Variants in SARDH observed in about 807,000 individuals in gnomAD.
The protein encoded by SARDH is sarcosine dehydrogenase.
Under a neutral mutation model 109.1 loss-of-function variants are expected in SARDH, and 95 were observed. That is an observed-to-expected ratio of 0.87 (90% CI 0.74 to 1.03). The LOEUF (loss-of-function observed/expected upper bound fraction) is 1.03, where lower values mean the gene tolerates loss of function less well. Among genes scored for constraint, SARDH ranks in the 50% least tolerant of loss-of-function variants. The pLI, the probability that SARDH is intolerant of heterozygous loss-of-function variation, is 0.00. For synonymous variants in SARDH, 572 were observed against 534.8 expected (o/e 1.07, Z -0.96); for missense variants, 1,267 against 1,287.8 (o/e 0.98, Z 0.25).
chr9:133,715,619 G>A (rs1020592644), intron 8 of SARDH, among the ~76,000 whole-genome samples: 1 of 152,150 alleles, frequency 6.6e-6, no homozygotes, highest in Non-Finnish European at 1.5e-5. Context: ...GGACTCCTCG[G>A]TGGCCACAGC....
At chr9:133,700,396 TACG>T (rs1380771716) in intron 13 of SARDH, among the ~76,000 whole-genome samples, 1 of 151,052 alleles carries the variant, frequency 6.6e-6, no homozygotes, top group Non-Finnish European at 1.5e-5. Context: ...ACACACACAC[TACG>T]ACATGAATGT....
downstream of SARDH, among the ~76,000 whole-genome samples, chr9:133,661,349 A>C (rs1002778838): frequency 2.6e-4 from 38 of 143,622 alleles, no homozygotes; most frequent in Non-Finnish European, 5.5e-4. Flanking sequence ...CAAAAAAAAA[A>C]CAACAACAAC....
At chr9:133,661,772 C>T (rs186206905), downstream of SARDH, among the ~76,000 whole-genome samples, 1 of 152,160 alleles carries the variant, frequency 6.6e-6, no homozygotes, top group Non-Finnish European at 1.5e-5. Flanking sequence ...TCAGTCACTG[C>T]GCCCGGCCAG....
Position 133,693,704 on chromosome 9 carries a change from T to C in SARDH, c.1921+554A>G, listed in dbSNP as rs1018886484. Among the ~76,000 whole-genome samples the C allele has an allele frequency of 1.1e-4, 16 of 152,250 alleles. No individual in the cohort carries two copies. The highest frequency in any genetic ancestry group is 3.9e-4 in the African/African-American group (16 of 41,542). ...ACAAGAGGCAGGTCCTGGCTCTGCG[T>C]AACAGTTGGGGCTGAGCAAACAAGG... On this transcript the variant is annotated intron_variant, in intron 15 of 20. Transcript: ENST00000439388. This position sits in a 1 kb window ranked among gnomAD's most constrained non-coding sequence, Gnocchi z 5.6.
chr9:133,670,328 CAAA>C (rs5901026), intron 19 of SARDH, among the ~76,000 whole-genome samples: 4 of 103,242 alleles, frequency 3.9e-5, no homozygotes, highest in Admixed American at 9.6e-5. Context: ...GACTCCGTCT[CAAA>C]AAAAAAAAAA....
At chr9:133,702,658 C>T (rs1056645123) in intron 13 of SARDH, among the ~76,000 whole-genome samples, 3 of 152,232 alleles carry the variant, frequency 2.0e-5, no homozygotes, top group Non-Finnish European at 2.9e-5. Context: ...CCTCCGCCCC[C>T]ACCTCACCCC....
At chr9:133,687,990 A>G (rs1588404158) in intron 16 of SARDH, among the ~76,000 whole-genome samples, 1 of 152,028 alleles carries the variant, frequency 6.6e-6, no homozygotes, top group Non-Finnish European at 1.5e-5. Context: ...GGCTGGGCGC[A>G]CCGGCCGCCC....
At chr9:133,722,314 T>TA (rs1564291024) in intron 6 of SARDH, among the ~76,000 whole-genome samples, 108 of 51,574 alleles carry the variant, frequency 2.1e-3, no homozygotes, top group African/African-American at 5.2e-3. Context: ...ATTTTTTTTT[T>TA]TAAAGCCTCA....
At chr9:133,720,110 AAAAT>A (rs1035920614) in intron 6 of SARDH, among the ~76,000 whole-genome samples, 6 of 149,886 alleles carry the variant, frequency 4.0e-5, no homozygotes, top group African/African-American at 1.2e-4. Context: ...ACTCCGTCTC[AAAAT>A]AAATAAATAA....
In SARDH at chr9:133,696,691, C is replaced by T. The variant is rs1231052544; in HGVS notation, c.1669-330G>A. On this transcript the variant is annotated intron_variant, in intron 13 of 20. Coordinates refer to ENST00000439388, the MANE Select transcript of SARDH (RefSeq NM_001134707.2). ...AGCAGAAGAACAATTGGAAAATTCACAAATATGTGGAAATTACACAACACA... is the reference window on the plus strand; with the variant it reads ...AGCAGAAGAACAATTGGAAAATTCATAAATATGTGGAAATTACACAACACA... Among the ~76,000 whole-genome samples the T allele has an allele frequency of 3.3e-5, 5 of 152,044 alleles. No individual in the cohort carries two copies. The South Asian group carries it at 1.0e-3, about 31-fold the overall frequency.
At chr9:133,706,077 A>C (rs1831685671) in intron 11 of SARDH, among the ~76,000 whole-genome samples, 1 of 152,244 alleles carries the variant, frequency 6.6e-6, no homozygotes, top group Non-Finnish European at 1.5e-5. Flanking sequence ...TAGCAGAAAG[A>C]TGCACCATAC....
downstream of SARDH, among the ~76,000 whole-genome samples, chr9:133,660,177 G>A (rs1194259487): frequency 6.6e-6 from 1 of 151,482 alleles, no homozygotes; most frequent in Non-Finnish European, 1.5e-5. Flanking sequence ...CCTACACCCA[G>A]ATAAGCGTAA....
intron 17 of SARDH, among the ~76,000 whole-genome samples, chr9:133,679,389 G>A (rs755299967): frequency 2.6e-5 from 4 of 152,340 alleles, no homozygotes; most frequent in Admixed American, 6.5e-5. Context: ...TCCTAACAGC[G>A]CCGCGACTAG....
At chr9:133,736,957 G>A (rs536006672) in intron 1 of SARDH, among the ~76,000 whole-genome samples, 113 of 152,326 alleles carry the variant, frequency 7.4e-4, no homozygotes, top group African/African-American at 2.6e-3. Flanking sequence ...CACTCTCATT[G>A]AACACCTATA....
chr9:133,705,559 C>A (rs1431102807), intron 11 of SARDH, among the ~76,000 whole-genome samples: 2 of 5,806 alleles, frequency 3.4e-4, no homozygotes, highest in African/African-American at 5.7e-4. Flanking sequence ...ACCCTGAGAA[C>A]CCCATCTGTA....
At chr9:133,703,719 T>C (rs2427992) in intron 12 of SARDH, 131,797 of 152,050 alleles carry the variant, frequency 0.87, 57,770 homozygotes, top group East Asian at 1. Context: ...AATGCAGGTG[T>C]GGGCAATTCT....
intron 6 of SARDH, among the ~76,000 whole-genome samples, chr9:133,724,662 G>A (rs1400644262): frequency 1.3e-5 from 2 of 152,282 alleles, no homozygotes; most frequent in Middle Eastern, 3.4e-3. Flanking sequence ...CCACTCCAGT[G>A]TATAGACTGA....
chr9:133,659,444 C>T (rs1832382615), downstream of SARDH: 1 of 152,362 alleles, frequency 6.6e-6, no homozygotes, highest in South Asian at 2.1e-4. Context: ...CCTGAGCGTC[C>T]TGAAGCTGCC....
chr9:133,712,694 C>T lies in SARDH; in HGVS notation c.1253G>A (p.Gly418Asp), dbSNP rs144562064. 2 of 1,609,390 alleles carry T rather than the reference C, an allele frequency of 1.2e-6. No individual in the cohort carries two copies. The highest frequency in any genetic ancestry group is 2.7e-5 in the African/African-American group (2 of 74,976). Residue 418 changes from glycine to aspartate, a missense_variant, in exon 10 of 21, where the codon GGT (glycine) becomes GAT (aspartate). Gly to Asp is a moderately conservative substitution (Grantham distance 94). Coordinates refer to ENST00000439388, the MANE Select transcript of SARDH (RefSeq NM_001134707.2). This position sits in a 1 kb window ranked among gnomAD's most constrained non-coding sequence, Gnocchi z 4.1. ...GTGGGCCAGCTCCTGCCCACAGCCA[C>T]CACCCAGCATCATTCCTGGCAGGAA... Reference protein sequence around the residue: ...GFNSAGMMLGGGCGQELAHWI... With the variant: ...GFNSAGMMLGDGCGQELAHWI...
Sources: allele counts gnomAD v4.1 joint callset (sites outside exome capture counted in the v4.1 genomes callset), GRCh38; gene constraint gnomAD v4.1.1; non-coding constraint Gnocchi (gnomAD v3.1); transcripts MANE v1.5; gene names NCBI Gene and HGNC (gene_info 2026-07-23, HGNC 2026-07-21).